HSPA12A: variants seen among roughly 807,000 people sequenced by gnomAD.
HSPA12A encodes the protein heat shock protein family A (Hsp70) member 12A, also known as heat shock 70 kDa protein 12A.
HSPA12A carries 28 observed loss-of-function variants against 69.2 expected under a neutral mutation model. The ratio of observed to expected loss-of-function variants is 0.40; its 90% confidence interval spans 0.30 to 0.55. HSPA12A has a LOEUF of 0.55. Ranked by LOEUF, HSPA12A falls within the 20% of genes least tolerant of loss-of-function variation. The pLI is 0.38. For synonymous variants in HSPA12A, 345 were observed against 370.5 expected (o/e 0.93, Z 0.79); for missense variants, 686 against 900.7 (o/e 0.76, Z 3.05).
intron 2 of HSPA12A, among the ~76,000 whole-genome samples, chr10:116,780,944 A>G (rs1844449865): frequency 2.0e-5 from 3 of 152,332 alleles, no homozygotes; most frequent in Admixed American, 1.3e-4. Context: ...ACTTTTGCCT[A>G]TTCAAGTTCA....
At chr10:116,822,439 TG>T (rs1038615581) in intron 2 of HSPA12A, among the ~76,000 whole-genome samples, 6 of 152,236 alleles carry the variant, frequency 3.9e-5, no homozygotes, top group Admixed American at 2.6e-4. Context: ...GGACGCCCTG[TG>T]GGTTCACAGA....
At chr10:116,774,289 G>A (rs1034485498) in intron 2 of HSPA12A, among the ~76,000 whole-genome samples, 1 of 152,200 alleles carries the variant, frequency 6.6e-6, no homozygotes, top group Admixed American at 6.5e-5. Flanking sequence ...GATTACAGGC[G>A]TGAGCCACCG....
At chr10:116,707,149 GCGCGCACACACACACACACACACACA>G in intron 2 of HSPA12A, 25 bp downstream of exon 2, 1 of 446,452 alleles carries the variant, frequency 2.2e-6, no homozygotes, top group Non-Finnish European at 3.2e-6. Context: ...GCGCACCCAT[GCGCGCACACACACACACACACACACA>G]CACACACACA....
Position 116,675,403 on chromosome 10 carries a change from T to C in HSPA12A, c.1406A>G (p.Lys469Arg), listed in dbSNP as rs1554877549. Residue 469 changes from lysine to arginine, a missense_variant, in exon 12 of 12, where the codon AAG becomes AGG. Lys to Arg is a conservative substitution (Grantham distance 26, BLOSUM62 2). Coordinates refer to ENST00000369209, the MANE Select transcript of HSPA12A (RefSeq NM_025015.3). This position sits in a 1 kb window ranked among gnomAD's most constrained non-coding sequence, Gnocchi z 5.2. Reference protein sequence around the residue: ...IIEHLRDLFQKPEVSTVKFLF... With the variant: ...IIEHLRDLFQRPEVSTVKFLF... ...GAACTTGACGGTGGACACCTCGGGCTTCTGAAACAGGTCCCCTGGAAGGGA... is the reference window on the plus strand; with the variant it reads ...GAACTTGACGGTGGACACCTCGGGCCTCTGAAACAGGTCCCCTGGAAGGGA... The C allele has an allele frequency of 6.3e-7, 1 of 1,595,528 alleles. No individual in the cohort carries two copies. The highest frequency in any genetic ancestry group is 1.7e-5 in the Admixed American group (1 of 57,482).
chr10:116,694,145 G>A (rs1476227500), intron 5 of HSPA12A, among the ~76,000 whole-genome samples: 1 of 152,198 alleles, frequency 6.6e-6, no homozygotes, highest in African/African-American at 2.4e-5. Context: ...CAGCGGGTAG[G>A]GAACAGCTTG....
At chr10:116,678,804 G>A (rs1375256716) in intron 10 of HSPA12A, among the ~76,000 whole-genome samples, 1 of 152,154 alleles carries the variant, frequency 6.6e-6, no homozygotes, top group Non-Finnish European at 1.5e-5. Context: ...GACAGTTGTT[G>A]AAGCTGGACA....
intron 2 of HSPA12A, among the ~76,000 whole-genome samples, chr10:116,802,738 C>T (rs141757902): frequency 3.9e-4 from 60 of 152,328 alleles, no homozygotes; most frequent in East Asian, 1.4e-3. Context: ...GCCCCGATCA[C>T]GGCTTGCCTA....
chr10:116,730,885 C>G (rs890635142), intron 1 of HSPA12A, among the ~76,000 whole-genome samples: 1 of 152,262 alleles, frequency 6.6e-6, no homozygotes, highest in African/African-American at 2.4e-5. Context: ...ATGAAGGAAC[C>G]GGGCCCTCCT....
intron 8 of HSPA12A, among the ~76,000 whole-genome samples, chr10:116,681,520 G>T (rs1849400994): frequency 6.6e-6 from 1 of 152,186 alleles, no homozygotes; most frequent in African/African-American, 2.4e-5. Flanking sequence ...CACGTACTTA[G>T]TGGGCAGTTT....
chr10:116,797,738 A>G (rs1385182868), intron 2 of HSPA12A, among the ~76,000 whole-genome samples: 1 of 152,214 alleles, frequency 6.6e-6, no homozygotes, highest in African/African-American at 2.4e-5. Context: ...AACTGCTGAG[A>G]GCTGTGTACG....
At chr10:116,849,403 C>A in intron 1 of HSPA12A, 1 of 935,898 alleles carries the variant, frequency 1.1e-6, no homozygotes, top group Non-Finnish European at 1.5e-6. Flanking sequence ...AGCGCAAATA[C>A]CATCCTAGCT....
At chr10:116,683,557 G>A (rs895296017) in intron 7 of HSPA12A, 9 of 373,766 alleles carry the variant, frequency 2.4e-5, no homozygotes, top group South Asian at 1.3e-4. Context: ...GAAGCTCCCC[G>A]CCCCCAGACA....
exon 2 of HSPA12A, chr10:116,835,021 A>G: frequency 1.6e-6 from 2 of 1,229,186 alleles, no homozygotes; most frequent in Non-Finnish European, 2.0e-6. Context: ...AACACTCTCC[A>G]TCTGTAGGAG....
At chr10:116,846,385 T>A (rs1589738612) in intron 1 of HSPA12A, among the ~76,000 whole-genome samples, 1 of 151,660 alleles carries the variant, frequency 6.6e-6, no homozygotes, top group Non-Finnish European at 1.5e-5. Flanking sequence ...AGTCTCGCTC[T>A]GTCACCCAGG....
chr10:116,841,361 G>A (rs1444175547), intron 1 of HSPA12A, among the ~76,000 whole-genome samples: 1 of 152,022 alleles, frequency 6.6e-6, no homozygotes, highest in Non-Finnish European at 1.5e-5. Context: ...TAATGGAAAC[G>A]TTTTTCTGAG....
At chr10:116,746,821 T>A (rs1554887856), upstream of HSPA12A, among the ~76,000 whole-genome samples, 1 of 152,258 alleles carries the variant, frequency 6.6e-6, no homozygotes. Context: ...ATTTTAATTT[T>A]TCTTTTATGT....
chr10:116,773,383 C>T (rs868990533), intron 2 of HSPA12A, among the ~76,000 whole-genome samples: 1 of 152,266 alleles, frequency 6.6e-6, no homozygotes, highest in African/African-American at 2.4e-5. Flanking sequence ...TCTGGTACCC[C>T]CAGGCAACAA....
chr10:116,753,036 A>C (rs1236845469), intron 2 of HSPA12A, among the ~76,000 whole-genome samples: 1 of 152,238 alleles, frequency 6.6e-6, no homozygotes, highest in Admixed American at 6.5e-5. Flanking sequence ...AAAATAAATG[A>C]CACAAAAAAT....
chr10:116,775,032 C>T (rs782003467), intron 2 of HSPA12A, among the ~76,000 whole-genome samples: 3 of 152,234 alleles, frequency 2.0e-5, no homozygotes, highest in Admixed American at 6.5e-5. Flanking sequence ...TGCTCCCTCC[C>T]GCCCATCCTG....
Sources: allele counts gnomAD v4.1 joint callset (sites outside exome capture counted in the v4.1 genomes callset), GRCh38; gene constraint gnomAD v4.1.1; non-coding constraint Gnocchi (gnomAD v3.1); transcripts MANE v1.5; gene names NCBI Gene and HGNC (gene_info 2026-07-23, HGNC 2026-07-21).